The following PRUNE2 variants were observed in gnomAD, a reference collection of about 807,000 sequenced individuals.
PRUNE2 encodes the protein protein prune homolog 2.
In PRUNE2, 164 loss-of-function variants were observed where a neutral mutation model predicts 252.0. That is an observed-to-expected ratio of 0.65 (90% CI 0.57 to 0.74). The LOEUF is 0.74. PRUNE2 is among the 30% of genes least tolerant of loss of function. PRUNE2 has a pLI of 0.00. For synonymous variants in PRUNE2, 1,292 were observed against 1,350.2 expected (o/e 0.96, Z 0.94); for missense variants, 3,495 against 3,711.0 (o/e 0.94, Z 1.51).
In PRUNE2 at chr9:76,838,049, G is replaced by C. The variant is rs530239707; in HGVS notation, c.508+8466C>G. 9.1e-4 allele frequency among the ~76,000 whole-genome samples: 138 copies of C among 152,116 alleles called. 2 individuals are homozygous for C. The highest frequency in any genetic ancestry group is 3.2e-3 in the African/African-American group (134 of 41,480). ...GCCTCCCAAAATGCTGGGATTACAG[G>C]TGTGAGCCACTGTGCCCAGCCACCA... On this transcript the variant is annotated intron_variant, in intron 4 of 18. Transcript: ENST00000376718.
intron 4 of PRUNE2, among the ~76,000 whole-genome samples, chr9:76,841,057 A>G (rs1218657030): frequency 6.6e-6 from 1 of 152,052 alleles, no homozygotes; most frequent in African/African-American, 2.4e-5. Context: ...GCAGCTCCCA[A>G]CAAGATCAAT....
intron 1 of PRUNE2, among the ~76,000 whole-genome samples, chr9:76,895,832 G>A (rs2062785860): frequency 6.6e-6 from 1 of 151,946 alleles, no homozygotes; most frequent in East Asian, 1.9e-4. Flanking sequence ...CACCCAGGCT[G>A]GAGTGCAGTG....
chr9:76,635,093 C>A (rs1839426280), intron 15 of PRUNE2, among the ~76,000 whole-genome samples: 1 of 152,102 alleles, frequency 6.6e-6, no homozygotes, highest in African/African-American at 2.4e-5. Context: ...CCTCAGCCTC[C>A]CTAGTAGCTG....
At chr9:76,615,332 G>T in intron 18 of PRUNE2, 1 of 646,390 alleles carries the variant, frequency 1.5e-6, no homozygotes, top group Non-Finnish European at 1.9e-6. Context: ...TTTGCAAAGG[G>T]TGATTTGGCA....
At chr9:76,657,872 GCTC>G (rs929350937) in intron 9 of PRUNE2, among the ~76,000 whole-genome samples, 3 of 152,146 alleles carry the variant, frequency 2.0e-5, no homozygotes, top group Non-Finnish European at 4.4e-5. Context: ...GCCTAGAAAT[GCTC>G]CTCAACTCAT....
intron 17 of PRUNE2, among the ~76,000 whole-genome samples, chr9:76,621,710 C>T (rs2132035742): frequency 6.6e-6 from 1 of 152,076 alleles, no homozygotes; most frequent in Non-Finnish European, 1.5e-5. Context: ...GACAGGGTCT[C>T]ACTCCGTTGC....
Position 76,614,539 on chromosome 9 carries a change from G to A in PRUNE2, c.*31C>T. The A allele has an allele frequency of 6.3e-7, 1 of 1,597,460 alleles. No homozygotes were observed. The highest frequency in any genetic ancestry group is 8.6e-7 in the Non-Finnish European group (1 of 1,165,148). Reference sequence around the variant, plus strand: ...TATGTTTCAACAGAACCATGAACCAGAAAAGCATCCTCTTCTTCCAGCATG... The same window carrying A: ...TATGTTTCAACAGAACCATGAACCAAAAAAGCATCCTCTTCTTCCAGCATG... On this transcript the variant is annotated 3_prime_UTR_variant, in exon 19 of 19. Transcript: ENST00000376718.
At chr9:76,822,319 A>C (rs990339244) in intron 6 of PRUNE2, among the ~76,000 whole-genome samples, 5 of 152,232 alleles carry the variant, frequency 3.3e-5, no homozygotes, top group Admixed American at 1.3e-4. Flanking sequence ...CAAACATCAC[A>C]GTTTGCCTCC....
At chr9:76,700,796 C>G (rs115140242) in intron 9 of PRUNE2, among the ~76,000 whole-genome samples, 1 of 152,062 alleles carries the variant, frequency 6.6e-6, no homozygotes, top group African/African-American at 2.4e-5. Flanking sequence ...TAAAGGCGCC[C>G]GAAACAGATA....
chr9:76,801,642 T>TA (rs2056564500), intron 6 of PRUNE2, among the ~76,000 whole-genome samples: 1 of 152,142 alleles, frequency 6.6e-6, no homozygotes. Flanking sequence ...AGTTTAAAGG[T>TA]AAACTCTGGT....
intron 9 of PRUNE2, among the ~76,000 whole-genome samples, chr9:76,688,634 C>T (rs914348129): frequency 6.6e-6 from 1 of 152,200 alleles, no homozygotes; most frequent in African/African-American, 2.4e-5. Flanking sequence ...CCAGCCTTGA[C>T]TTCCAGTCTC....
chr9:76,648,216 G>A (rs1345277738), intron 11 of PRUNE2, among the ~76,000 whole-genome samples: 2 of 150,854 alleles, frequency 1.3e-5, no homozygotes, highest in African/African-American at 2.5e-5. Context: ...ATTCATTGCT[G>A]GTGGGAATGC....
chr9:76,706,810 A>G lies in PRUNE2; in HGVS notation c.5464T>C (p.Phe1822Leu), dbSNP rs1588715977. 1 of 1,602,016 alleles carries G rather than the reference A, an allele frequency of 6.2e-7. No individual in the cohort carries two copies. Among genetic ancestry groups the G allele is most frequent in the East Asian group, 2.2e-5 (1 of 44,756 alleles). The change falls in exon 8 of 19, where the codon TTC becomes CTC. Residue 1822 changes from phenylalanine (F) to leucine (L), a missense_variant. Phe to Leu is a conservative substitution (Grantham distance 22). Transcript: ENST00000376718. ...CACCACTCAGTGCTATCAGCTGAGA[A>G]GCCCAGCATTTCCAGTTGAGAATTA... Reference protein sequence around the residue: ...EDNSQLEMLGFSADSTEWWKA... With the variant: ...EDNSQLEMLGLSADSTEWWKA...
intron 9 of PRUNE2, among the ~76,000 whole-genome samples, chr9:76,660,526 G>A (rs1037210230): frequency 2.6e-4 from 40 of 152,240 alleles, no homozygotes; most frequent in African/African-American, 9.1e-4. Context: ...GCTCACGCCT[G>A]TAATCCCAAC....
In PRUNE2 at chr9:76,710,301, C is replaced by A. The variant is rs532177658; in HGVS notation, c.1973G>T (p.Gly658Val). The A allele has an allele frequency of 5.1e-5, 82 of 1,613,984 alleles. No individual in the cohort carries two copies. The South Asian group carries it at 8.7e-4, about 17-fold the overall frequency. Residue 658 changes from glycine (G) to valine (V), a missense_variant, in exon 8 of 19, where the codon GGT (glycine) becomes GTT (valine). Transcript: ENST00000376718. The part of the protein sequence containing the change: ...QTHARCSSWW[G>V]GLEIDSKNIA... ...ATTTTTGGAGTCAATTTCCAAACCA[C>A]CCCACCAGCTGCTGCACCGTGCATG...
At chr9:76,732,351 C>T (rs1161950205) in intron 6 of PRUNE2, among the ~76,000 whole-genome samples, 3 of 152,118 alleles carry the variant, frequency 2.0e-5, no homozygotes, top group Non-Finnish European at 2.9e-5. Flanking sequence ...GAAAATTACA[C>T]TTAAGATACA....
At chr9:76,823,582 C>T in intron 6 of PRUNE2, 50 bp downstream of exon 6, 2 of 1,045,948 alleles carry the variant, frequency 1.9e-6, no homozygotes, top group Non-Finnish European at 1.5e-6. Context: ...GTTGCTCAGA[C>T]TGCAATTGTG....
At chr9:76,616,303 T>C (rs1160381866) in intron 18 of PRUNE2, among the ~76,000 whole-genome samples, 1 of 152,224 alleles carries the variant, frequency 6.6e-6, no homozygotes, top group Non-Finnish European at 1.5e-5. Flanking sequence ...TATACTGTTT[T>C]TGCTTTTAAA....
At chr9:76,617,299 A>C (rs1426111953) in intron 18 of PRUNE2, among the ~76,000 whole-genome samples, 1 of 152,046 alleles carries the variant, frequency 6.6e-6, no homozygotes, top group African/African-American at 2.4e-5. Flanking sequence ...AACAGCACAC[A>C]CTCCATCTTA....
Sources: allele counts gnomAD v4.1 joint callset (sites outside exome capture counted in the v4.1 genomes callset), GRCh38; gene constraint gnomAD v4.1.1; transcripts MANE v1.5; gene names NCBI Gene and HGNC (gene_info 2026-07-23, HGNC 2026-07-21).